NR3C2: variants seen among roughly 807,000 people sequenced by gnomAD.
The protein encoded by NR3C2 is mineralocorticoid receptor.
NR3C2 carries 15 observed loss-of-function variants against 86.4 expected under a neutral mutation model. The ratio of observed to expected loss-of-function variants is 0.17; its 90% CI spans 0.12 to 0.27. The LOEUF (loss-of-function observed/expected upper bound fraction) is 0.27, where lower values mean the gene tolerates loss of function less well. Among genes scored for constraint, NR3C2 ranks in the 10% least tolerant of loss-of-function variants. The pLI is 1.00. For missense variants in NR3C2, 960 were observed against 1,195.6 expected (o/e 0.80, Z 2.91); for synonymous variants, 458 against 450.5 (o/e 1.02, Z -0.21).
intron 2 of NR3C2, among the ~76,000 whole-genome samples, chr4:148,346,101 G>A (rs1744976175): frequency 6.6e-6 from 1 of 152,116 alleles, no homozygotes; most frequent in Admixed American, 6.6e-5. Flanking sequence ...GGAGAGAGGG[G>A]AGGGTGAAGC....
At chr4:148,415,844 C>T (rs1429434331) in intron 2 of NR3C2, among the ~76,000 whole-genome samples, 1 of 152,156 alleles carries the variant, frequency 6.6e-6, no homozygotes, top group East Asian at 1.9e-4. Context: ...AATACATTCT[C>T]ATTGTAGAAA....
chr4:148,243,874 G>T (rs1340078699), intron 3 of NR3C2, among the ~76,000 whole-genome samples: 4 of 152,172 alleles, frequency 2.6e-5, no homozygotes, highest in Admixed American at 2.6e-4. Context: ...TAAGAAAACT[G>T]CTGTATGATT....
chr4:148,146,849 T>C (rs529787345), intron 6 of NR3C2: 1 of 152,312 alleles, frequency 6.6e-6, no homozygotes, highest in African/African-American at 2.4e-5. Context: ...TGAGGTAGTA[T>C]AAGCAAGTCT....
intron 6 of NR3C2, among the ~76,000 whole-genome samples, chr4:148,136,829 T>C (rs1437759961): frequency 1.3e-5 from 2 of 152,130 alleles, no homozygotes; most frequent in Non-Finnish European, 2.9e-5. Context: ...CTGTCATCCG[T>C]CATTTGTCTT....
At chr4:148,158,701 G>T (rs2149772416) in intron 4 of NR3C2, among the ~76,000 whole-genome samples, 1 of 152,144 alleles carries the variant, frequency 6.6e-6, no homozygotes, top group Non-Finnish European at 1.5e-5. Flanking sequence ...TATTGCTTTA[G>T]GCTTTCAGTC....
intron 3 of NR3C2, among the ~76,000 whole-genome samples, chr4:148,230,408 G>C (rs1445251480): frequency 6.6e-6 from 1 of 152,132 alleles, no homozygotes; most frequent in Non-Finnish European, 1.5e-5. Flanking sequence ...TGTTGGCCAA[G>C]CTGGGCTTGA....
At chr4:148,216,290 C>G (rs72728405) in intron 3 of NR3C2, among the ~76,000 whole-genome samples, 8,581 of 152,148 alleles carry the variant, frequency 0.056, 375 homozygotes, top group African/African-American at 0.13. Context: ...GGTCCCTGAT[C>G]TAGGATAATG....
chr4:148,211,855 GTAA>G (rs1231492965), intron 3 of NR3C2, among the ~76,000 whole-genome samples: 1 of 152,112 alleles, frequency 6.6e-6, no homozygotes, highest in Non-Finnish European at 1.5e-5. Flanking sequence ...TTTATTATTC[GTAA>G]TAATAATAAT....
chr4:148,313,242 C>T (rs1014352534), intron 2 of NR3C2, among the ~76,000 whole-genome samples: 2 of 152,112 alleles, frequency 1.3e-5, no homozygotes, highest in Non-Finnish European at 2.9e-5. Context: ...AAAACACACA[C>T]AAAAAACACA....
intron 2 of NR3C2, among the ~76,000 whole-genome samples, chr4:148,269,668 C>G (rs946182703): frequency 6.6e-6 from 1 of 151,834 alleles, no homozygotes; most frequent in African/African-American, 2.4e-5. Context: ...CAAAACAAAA[C>G]AAAACAAAAA....
chr4:148,100,921 C>T (rs1179795960), intron 8 of NR3C2, among the ~76,000 whole-genome samples: 6 of 152,140 alleles, frequency 3.9e-5, no homozygotes, highest in Non-Finnish European at 7.3e-5. Context: ...GCAACATGGA[C>T]GAACTTGGAG....
chr4:148,201,811 A>G (rs867798114), intron 3 of NR3C2, among the ~76,000 whole-genome samples: 2 of 152,140 alleles, frequency 1.3e-5, no homozygotes, highest in Non-Finnish European at 2.9e-5. Context: ...TCAACTCCCC[A>G]TCAGTGTCCC....
At chr4:148,203,808 T>C (rs1375360277) in intron 3 of NR3C2, among the ~76,000 whole-genome samples, 1 of 152,140 alleles carries the variant, frequency 6.6e-6, no homozygotes, top group African/African-American at 2.4e-5. Flanking sequence ...AATAAACCAA[T>C]GAACAATGAT....
chr4:148,178,768 C>T (rs900120014), intron 4 of NR3C2, among the ~76,000 whole-genome samples: 15 of 151,068 alleles, frequency 9.9e-5, no homozygotes, highest in African/African-American at 3.6e-4. Context: ...TAATCTGGAC[C>T]CTCCTCTTGG....
At chr4:148,171,209 AC>A (rs1735108890) in intron 4 of NR3C2, among the ~76,000 whole-genome samples, 1 of 151,876 alleles carries the variant, frequency 6.6e-6, no homozygotes, top group Admixed American at 6.5e-5. Context: ...AAAGGTCCAC[AC>A]CCCTAGGTTT....
intron 3 of NR3C2, chr4:148,201,013 T>A (rs1428402072): frequency 6.6e-6 from 1 of 152,142 alleles, no homozygotes; most frequent in African/African-American, 2.4e-5. Flanking sequence ...CTAAGGGGTA[T>A]CCCTGGTGTT....
At chr4:148,264,577 C>A (rs561026398) in intron 2 of NR3C2, among the ~76,000 whole-genome samples, 2 of 152,220 alleles carry the variant, frequency 1.3e-5, no homozygotes, top group Non-Finnish European at 2.9e-5. Flanking sequence ...GGCCTGGGCT[C>A]TAGTTCTAGC....
intron 2 of NR3C2, among the ~76,000 whole-genome samples, chr4:148,394,861 TAAG>T (rs1274800617): frequency 3.3e-5 from 5 of 152,172 alleles, no homozygotes; most frequent in African/African-American, 9.7e-5. Context: ...TAGATCTGGC[TAAG>T]AAGATTTCTA....
At chr4:148,258,430 C>T (rs1739931260) in intron 3 of NR3C2, among the ~76,000 whole-genome samples, 1 of 152,178 alleles carries the variant, frequency 6.6e-6, no homozygotes, top group Non-Finnish European at 1.5e-5. Flanking sequence ...GAAAAATTGG[C>T]CTTCTGGTAA....
Sources: gnomAD v4.1 joint callset for allele counts (sites outside exome capture counted in the v4.1 genomes callset) on GRCh38, gnomAD v4.1.1 for gene constraint, MANE v1.5 for transcripts, NCBI Gene and HGNC (gene_info 2026-07-23, HGNC 2026-07-21) for gene names.